The following E2F3 variants were observed in gnomAD, a reference collection of about 807,000 sequenced individuals.
E2F3 encodes the protein E2F transcription factor 3.
Under a neutral mutation model 44.4 loss-of-function variants are expected in E2F3, and 11 were observed. The observed-to-expected ratio is 0.25, with a 90% CI of 0.16 to 0.41. E2F3 has a LOEUF of 0.41. Among genes scored for constraint, E2F3 ranks in the 10% least tolerant of loss-of-function variants. The pLI, the probability that E2F3 is intolerant of heterozygous loss-of-function variation, is 1.00. For synonymous variants in E2F3, 249 were observed against 253.0 expected (o/e 0.98, Z 0.15); for missense variants, 487 against 583.6 (o/e 0.83, Z 1.70).
In E2F3 at chr6:20,402,780, C is replaced by T. The variant is rs970770531; in HGVS notation, c.393+155C>T. Among the ~76,000 whole-genome samples, 2 of 152,080 alleles carry T rather than the reference C, an allele frequency of 1.3e-5. No homozygotes were observed. Among genetic ancestry groups the T allele is most frequent in the Non-Finnish European group, 2.9e-5 (2 of 67,990 alleles). On this transcript the variant is annotated intron_variant, in intron 1 of 6. Coordinates refer to ENST00000346618, the MANE Select transcript of E2F3 (RefSeq NM_001949.5). This position sits in a 1 kb window ranked among gnomAD's most constrained non-coding sequence, Gnocchi z 5.6. ...CCTCCAACGAGGGTTCATTGTTAGACCTGAGTGCTCTTCCCGGCGCCAGGA... is the reference window on the plus strand; with the variant it reads ...CCTCCAACGAGGGTTCATTGTTAGATCTGAGTGCTCTTCCCGGCGCCAGGA...
At chr6:20,435,486 C>T (rs778883058) in intron 1 of E2F3, among the ~76,000 whole-genome samples, 4 of 152,224 alleles carry the variant, frequency 2.6e-5, no homozygotes, top group African/African-American at 9.6e-5. Context: ...GGCACAGTGG[C>T]TCACACCTGT....
chr6:20,461,165 GAT>G (rs781126990), intron 1 of E2F3, among the ~76,000 whole-genome samples: 5 of 151,866 alleles, frequency 3.3e-5, no homozygotes, highest in African/African-American at 4.8e-5. Context: ...AGATGCAAAA[GAT>G]AGAAAGAATA....
intron 1 of E2F3, among the ~76,000 whole-genome samples, chr6:20,407,873 T>A (rs1022611168): frequency 2.0e-5 from 3 of 152,220 alleles, no homozygotes; most frequent in Admixed American, 2.0e-4. Context: ...CAAAATCAAT[T>A]GCCTATGCTC....
intron 1 of E2F3, chr6:20,445,169 A>T: frequency 1.0e-6 from 1 of 981,250 alleles, no homozygotes; most frequent in Non-Finnish European, 1.2e-6. Context: ...TTGTACTTAA[A>T]AATAGAATAC....
intron 1 of E2F3, among the ~76,000 whole-genome samples, chr6:20,457,356 T>C (rs1761343483): frequency 6.8e-6 from 1 of 146,688 alleles, no homozygotes; most frequent in Non-Finnish European, 1.5e-5. Context: ...TTCTTTTTTT[T>C]TTTTTTTTTT....
At chr6:20,444,622 T>G (rs934916195) in intron 1 of E2F3, among the ~76,000 whole-genome samples, 3 of 152,140 alleles carry the variant, frequency 2.0e-5, no homozygotes, top group Non-Finnish European at 4.4e-5. Context: ...TAGAAGAAAA[T>G]GAAGAAAATT....
chr6:20,483,851 G>T (rs1762308948), intron 4 of E2F3, among the ~76,000 whole-genome samples: 1 of 152,204 alleles, frequency 6.6e-6, no homozygotes, highest in African/African-American at 2.4e-5. Context: ...TTCTTCTAGT[G>T]TCTCATCTTT....
intron 6 of E2F3, among the ~76,000 whole-genome samples, 172 bp downstream of exon 6, chr6:20,488,420 A>C (rs1762460384): frequency 6.6e-6 from 1 of 152,238 alleles, no homozygotes; most frequent in Non-Finnish European, 1.5e-5. Context: ...GATTTGGGAA[A>C]AACGGCTCCT....
rs1337895150 is a variant in E2F3 at position 20,479,909 on chromosome 6, C to A, written c.457C>A (p.Pro153Thr). 6.2e-7 allele frequency: 1 copy of A among 1,612,686 alleles called. No homozygotes were observed. The highest frequency in any genetic ancestry group is 8.5e-7 in the Non-Finnish European group (1 of 1,179,488). The change falls in exon 2 of 7, where the codon CCC becomes ACC. Residue 153 changes from proline to threonine, a missense_variant. By Grantham distance (38) the Pro-to-Thr change is conservative. Around this residue, in one of 3 missense-constraint regions of E2F3, gnomAD observed 238 missense variants for 236.0 expected, o/e 1.01. Transcript: ENST00000346618. ...GTACCTCTCAGATGGTTTAAAAACC[C>A]CCAAGGGCAAAGGAAGAGCTGCACT... is the stretch of plus-strand genomic sequence containing the variant. ...HQYLSDGLKT[P>T]KGKGRAALRS...
intron 1 of E2F3, among the ~76,000 whole-genome samples, chr6:20,464,688 T>G (rs1761643404): frequency 6.6e-6 from 1 of 152,198 alleles, no homozygotes; most frequent in South Asian, 2.1e-4. Context: ...TGCCTTCTGT[T>G]TTACAGTACT....
rs571378738 is a variant in E2F3 at position 20,413,240 on chromosome 6, C to T, written c.393+10615C>T. Among the ~76,000 whole-genome samples, 10 of 152,316 alleles carry T rather than the reference C, an allele frequency of 6.6e-5. No individual in the cohort carries two copies. In the South Asian group the frequency reaches 2.1e-3, roughly 32 times the overall value. ...TTCAAGTTTACCTGATTGCCTGTAG[C>T]ACTTGTTACAGATTCAGATTCCCAG... is the stretch of plus-strand genomic sequence containing the variant. On this transcript the variant is annotated intron_variant, in intron 1 of 6. Transcript: ENST00000346618.
chr6:20,470,785 T>C (rs574727712), intron 1 of E2F3, among the ~76,000 whole-genome samples: 1 of 152,322 alleles, frequency 6.6e-6, no homozygotes, highest in South Asian at 2.1e-4. Flanking sequence ...TGATTTAATT[T>C]TTCCTGTGGC....
At position 20,402,677 on chromosome 6, in the gene E2F3, A is replaced by G; in HGVS notation, c.393+52A>G. On this transcript the variant is annotated intron_variant, in intron 1 of 6. Coordinates refer to ENST00000346618, the MANE Select transcript of E2F3 (RefSeq NM_001949.5). The surrounding 1 kb of genome is among the most constrained non-coding windows in gnomAD (Gnocchi z 5.6). Reference sequence around the variant, plus strand: ...CAGCCCCGGCGGGAGGTGGGCTCGCACCGCGCGGGGTCGTGGGCGCGCTGC... The same window carrying G: ...CAGCCCCGGCGGGAGGTGGGCTCGCGCCGCGCGGGGTCGTGGGCGCGCTGC... The G allele has an allele frequency of 7.7e-7, 1 of 1,293,744 alleles. No individual in the cohort carries two copies. The highest frequency in any genetic ancestry group is 9.8e-7 in the Non-Finnish European group (1 of 1,025,108). The allele number at this position is 1,293,744 out of a possible 1,614,324, so 80.1% of individuals were successfully genotyped here.
chr6:20,444,059 TAGTC>T (rs1271474744), intron 1 of E2F3, among the ~76,000 whole-genome samples: 1 of 151,952 alleles, frequency 6.6e-6, no homozygotes, highest in Non-Finnish European at 1.5e-5. Flanking sequence ...AAAAAAAAAT[TAGTC>T]AGGCATGGTG....
chr6:20,492,416 C>T lies in E2F3; in HGVS notation c.*1986C>T. On this transcript the variant is annotated 3_prime_UTR_variant, in exon 7 of 7. Transcript: ENST00000346618. ...AATGTCGGTGTGGTCCTAGATGAAG[C>T]ATTGGGGTGGGGGAGGGAGAGGGAG... 4.3e-6 allele frequency: 1 copy of T among 233,704 alleles called. No individual in the cohort carries two copies. Among genetic ancestry groups the T allele is most frequent in the Admixed American group, 5.6e-5 (1 of 17,780 alleles). The allele number at this position is 233,704 out of a possible 1,614,324, so 14.5% of individuals were successfully genotyped here. A position where few individuals can be genotyped will look rare whatever the true frequency, so the allele number is the denominator to read the frequency against.
chr6:20,406,160 A>G (rs1413717958), intron 1 of E2F3, among the ~76,000 whole-genome samples: 2 of 152,112 alleles, frequency 1.3e-5, no homozygotes, highest in African/African-American at 2.4e-5. Context: ...ACCAGAAGCA[A>G]CTTCTTCACC....
chr6:20,449,666 A>G (rs1303322073), intron 1 of E2F3, among the ~76,000 whole-genome samples: 1 of 152,124 alleles, frequency 6.6e-6, no homozygotes, highest in Non-Finnish European at 1.5e-5. Flanking sequence ...CAGGTTTGTT[A>G]TATAGGGAAA....
At chr6:20,461,970 G>A (rs909231789) in intron 1 of E2F3, among the ~76,000 whole-genome samples, 1 of 152,262 alleles carries the variant, frequency 6.6e-6, no homozygotes, top group Admixed American at 6.5e-5. Flanking sequence ...GTGTGAGAAG[G>A]CTATTTCATT....
chr6:20,486,683 C>T lies in E2F3; in HGVS notation c.885-6C>T. 6.8e-7 allele frequency: 1 copy of T among 1,479,272 alleles called. No individual in the cohort carries two copies. Among genetic ancestry groups the T allele is most frequent in the Non-Finnish European group, 9.4e-7 (1 of 1,064,170 alleles). 91.6% of individuals were successfully genotyped at this position (1,479,272 alleles called of 1,614,324 possible). A position where few individuals can be genotyped will look rare whatever the true frequency, so the allele number is the denominator to read the frequency against. On this transcript the variant is annotated splice_polypyrimidine_tract_variant and splice_region_variant and intron_variant, in intron 4 of 6. Transcript: ENST00000346618. The stretch of plus-strand genomic sequence containing the variant: ...ATTAGATGGAAGATTCCTTGACACT[C>T]TTTACGTTAGCTTATGTTACATATC...
Sources: allele counts gnomAD v4.1 joint callset (sites outside exome capture counted in the v4.1 genomes callset), GRCh38; gene constraint gnomAD v4.1.1; regional missense constraint gnomAD v4.1.1; non-coding constraint Gnocchi (gnomAD v3.1); transcripts MANE v1.5; gene names NCBI Gene and HGNC (gene_info 2026-07-23, HGNC 2026-07-21).